RIT2: variants seen among roughly 807,000 people sequenced by gnomAD.
RIT2 encodes GTP-binding protein Rit2.
In RIT2, 24 loss-of-function variants were observed where a neutral mutation model predicts 23.7. The ratio of observed to expected loss-of-function variants is 1.01; its 90% confidence interval spans 0.73 to 1.43. RIT2 has a LOEUF of 1.43. Ranked by LOEUF, RIT2 falls within the 40% of genes most tolerant of loss-of-function variation. RIT2 has a pLI of 0.00. For synonymous variants in RIT2, 107 were observed against 91.1 expected, an observed-to-expected ratio of 1.17 and a Z score of -0.99; for missense variants, 236 against 266.9, an observed-to-expected ratio of 0.88 and a Z score of 0.81.
intron 4 of RIT2, among the ~76,000 whole-genome samples, chr18:42,857,459 C>A (rs887285616): frequency 6.6e-6 from 1 of 152,116 alleles, no homozygotes; most frequent in African/African-American, 2.4e-5. Context: ...TTTTTCCTGA[C>A]CTAGTCTAAC....
intron 1 of RIT2, among the ~76,000 whole-genome samples, chr18:43,035,224 G>A (rs1911947633): frequency 6.6e-6 from 1 of 152,094 alleles, no homozygotes; most frequent in African/African-American, 2.4e-5. Flanking sequence ...TTTAACAATT[G>A]TTTACTTCCT....
chr18:42,971,549 C>T (rs1307668984), intron 3 of RIT2, among the ~76,000 whole-genome samples: 1 of 152,024 alleles, frequency 6.6e-6, no homozygotes. Flanking sequence ...TATTAATATT[C>T]TGTATTGCTC....
intron 1 of RIT2, among the ~76,000 whole-genome samples, chr18:43,050,172 G>A (rs1360818822): frequency 2.0e-5 from 3 of 151,230 alleles, no homozygotes; most frequent in Non-Finnish European, 4.4e-5. Context: ...GAGTGCAAGT[G>A]TGCACCACCA....
intron 1 of RIT2, among the ~76,000 whole-genome samples, chr18:43,052,482 C>A (rs955851148): frequency 6.6e-6 from 1 of 151,980 alleles, no homozygotes; most frequent in Admixed American, 6.6e-5. Context: ...ATCATATAAC[C>A]TCCCATATAA....
At chr18:42,789,456 T>C (rs1302206159) in intron 4 of RIT2, among the ~76,000 whole-genome samples, 1 of 152,232 alleles carries the variant, frequency 6.6e-6, no homozygotes, top group Non-Finnish European at 1.5e-5. Flanking sequence ...ATTCTTCTGG[T>C]CCATGAGCAT....
At chr18:43,009,031 G>A (rs1170964511) in intron 2 of RIT2, among the ~76,000 whole-genome samples, 1 of 151,552 alleles carries the variant, frequency 6.6e-6, no homozygotes, top group Non-Finnish European at 1.5e-5. Flanking sequence ...TCCTTATTTG[G>A]AAATGTGGCA....
chr18:42,927,882 C>T (rs768555576), intron 3 of RIT2, among the ~76,000 whole-genome samples: 1 of 151,830 alleles, frequency 6.6e-6, no homozygotes, highest in Non-Finnish European at 1.5e-5. Flanking sequence ...TTTGATGTAT[C>T]TCATATTCCA....
At chr18:42,852,784 C>T (rs868633156) in intron 4 of RIT2, among the ~76,000 whole-genome samples, 12,540 of 128,732 alleles carry the variant, frequency 0.097, 857 homozygotes, top group Middle Eastern at 0.22. Flanking sequence ...TCCCTCTCTC[C>T]CTCCCTCCCT....
At position 43,115,652 on chromosome 18, in the gene RIT2, C is replaced by G; in HGVS notation, c.-133G>C. ...CGAGGTAAGAACCATCAGCGTCGGG[C>G]TGGCTGCTGGTCCTCCGCTCGAGCG... On this transcript the variant is annotated 5_prime_UTR_variant, in exon 1 of 5. Transcript: ENST00000326695. The G allele has an allele frequency of 7.7e-7, 1 of 1,294,244 alleles. No homozygotes were observed. The highest frequency in any genetic ancestry group is 3.4e-5 in the Admixed American group (1 of 29,418). 80.2% of individuals were successfully genotyped at this position (1,294,244 alleles called of 1,614,324 possible). A position where few individuals can be genotyped will look rare whatever the true frequency, so the allele number is the denominator to read the frequency against.
chr18:43,056,027 G>C (rs944726237), intron 1 of RIT2, among the ~76,000 whole-genome samples: 2 of 152,034 alleles, frequency 1.3e-5, no homozygotes, highest in African/African-American at 4.8e-5. Context: ...TCCATAGTGT[G>C]TGTGGATAAT....
intron 1 of RIT2, 76 bp downstream of exon 1, chr18:43,115,341 T>C: frequency 1.3e-6 from 2 of 1,557,410 alleles, no homozygotes. Flanking sequence ...GCATCAGCAA[T>C]ATCATTTTTC....
intron 4 of RIT2, among the ~76,000 whole-genome samples, chr18:42,775,342 G>T (rs1364430214): frequency 6.6e-6 from 1 of 152,116 alleles, no homozygotes; most frequent in African/African-American, 2.4e-5. Flanking sequence ...ACCATGAAGG[G>T]TAAATCAACT....
At chr18:43,065,263 G>A (rs1205506918) in intron 1 of RIT2, among the ~76,000 whole-genome samples, 1 of 89,342 alleles carries the variant, frequency 1.1e-5, no homozygotes, top group African/African-American at 4.4e-5. Context: ...GTCTCAATCT[G>A]TTGCCCAGGT....
intron 4 of RIT2, among the ~76,000 whole-genome samples, chr18:42,922,587 T>G (rs951510283): frequency 3.3e-5 from 5 of 152,172 alleles, no homozygotes; most frequent in Non-Finnish European, 7.4e-5. Context: ...TTTGCCTGAT[T>G]CTTGAACCAG....
chr18:42,926,892 C>T (rs1909192629), intron 3 of RIT2, among the ~76,000 whole-genome samples: 1 of 151,988 alleles, frequency 6.6e-6, no homozygotes, highest in African/African-American at 2.4e-5. Context: ...TAGTACATGA[C>T]CTCTAGGACT....
intron 1 of RIT2, among the ~76,000 whole-genome samples, chr18:43,083,139 A>G (rs1913197635): frequency 6.6e-6 from 1 of 152,160 alleles, no homozygotes; most frequent in Non-Finnish European, 1.5e-5. Context: ...CATTGCTACA[A>G]AGAGAATAAA....
chr18:42,921,876 T>C (rs1300471822), intron 4 of RIT2, among the ~76,000 whole-genome samples: 3 of 151,860 alleles, frequency 2.0e-5, no homozygotes, highest in Non-Finnish European at 4.4e-5. Context: ...TTCAGAGGAG[T>C]ATAGGAAAGG....
At chr18:42,945,231 T>C (rs1313702191) in intron 3 of RIT2, among the ~76,000 whole-genome samples, 2 of 152,142 alleles carry the variant, frequency 1.3e-5, no homozygotes, top group Admixed American at 6.6e-5. Flanking sequence ...ATTTTGTCAC[T>C]GACAATTTAG....
At chr18:42,906,009 TATATATATATATGTATATATATATATAC>T (rs1474772768) in intron 4 of RIT2, among the ~76,000 whole-genome samples, 13 of 128,562 alleles carry the variant, frequency 1.0e-4, no homozygotes, top group African/African-American at 2.4e-4. Flanking sequence ...TATATATACA[TATATATATATATGTATATATATATATAC>T]ATATATATAT....
Sources: gnomAD v4.1 joint callset for allele counts (sites outside exome capture counted in the v4.1 genomes callset) on GRCh38, gnomAD v4.1.1 for gene constraint, MANE v1.5 for transcripts, NCBI Gene and HGNC (gene_info 2026-07-23, HGNC 2026-07-21) for gene names.